Variants in CEP85 observed in about 807,000 individuals in gnomAD.
CEP85 encodes centrosomal protein 85, also known as centrosomal protein of 85 kDa.
A neutral mutation model predicts 93.7 loss-of-function variants in CEP85; 58 were observed. The observed-to-expected ratio is 0.62, with a 90% CI of 0.50 to 0.77. The LOEUF (loss-of-function observed/expected upper bound fraction) is 0.77. Ranked by LOEUF, CEP85 falls within the 30% of genes least tolerant of loss-of-function variation. The pLI is 0.00. For synonymous variants in CEP85, 314 were observed against 338.6 expected (o/e 0.93, Z 0.80); for missense variants, 868 against 922.0 (o/e 0.94, Z 0.76).
chr1:26,242,670 C>T (rs1280240129), intron 2 of CEP85, among the ~76,000 whole-genome samples: 4 of 152,052 alleles, frequency 2.6e-5, no homozygotes, highest in East Asian at 1.9e-4. Flanking sequence ...TTACTTTGGG[C>T]GTAATCATTT....
chr1:26,258,259 A>G lies in CEP85; in HGVS notation c.1154A>G (p.Gln385Arg), dbSNP rs1357588836. The change falls in exon 6 of 14, where the codon CAG (glutamine) becomes CGG (arginine). Residue 385 changes from glutamine to arginine, a missense_variant and splice_region_variant. Coordinates refer to ENST00000451429, the MANE Select transcript of CEP85 (RefSeq NM_001319944.2). ...GGTGATGTCTGCTTGCTGAGGCTAC[A>G]GGTAAGTATTGGCCATCAGGATGGC... ...PFGDVCLLRL[Q>R]ELQRENTFLR... 7 of 1,604,106 alleles carry G rather than the reference A, an allele frequency of 4.4e-6. No homozygotes were observed. Among genetic ancestry groups the G allele is most frequent in the Non-Finnish European group, 6.0e-6 (7 of 1,170,942 alleles).
chr1:26,247,754 A>G (rs1036321852), intron 3 of CEP85, among the ~76,000 whole-genome samples: 3 of 152,086 alleles, frequency 2.0e-5, no homozygotes, highest in Non-Finnish European at 4.4e-5. Context: ...CTATCTTTCC[A>G]CCTAAGCCTT....
chr1:26,258,566 A>G (rs77159267), intron 6 of CEP85, among the ~76,000 whole-genome samples: 2,615 of 151,850 alleles, frequency 0.017, 81 homozygotes, highest in African/African-American at 0.059. Context: ...TAGCCAAAGG[A>G]GAGAGAGGCA....
chr1:26,239,644 G>A, intron 1 of CEP85, 118 bp from the exon 2 acceptor site: 1 of 658,362 alleles, frequency 1.5e-6, no homozygotes, highest in Non-Finnish European at 2.7e-6. Flanking sequence ...GAGCCACTGT[G>A]CCTGGCCAAA....
chr1:26,271,879 A>C, intron 10 of CEP85, 142 bp from the exon 11 acceptor site: 1 of 692,022 alleles, frequency 1.4e-6, no homozygotes, highest in Non-Finnish European at 2.6e-6. Context: ...ATATTCCTAT[A>C]GGTAGAGTTC....
intron 1 of CEP85, among the ~76,000 whole-genome samples, chr1:26,234,832 C>G (rs1190811299): frequency 6.6e-6 from 1 of 152,126 alleles, no homozygotes; most frequent in Non-Finnish European, 1.5e-5. Context: ...GGGGCCTTAC[C>G]CCGGTACTTC....
intron 1 of CEP85, among the ~76,000 whole-genome samples, chr1:26,238,009 A>G (rs896494269): frequency 6.6e-6 from 1 of 151,830 alleles, no homozygotes; most frequent in South Asian, 2.1e-4. Context: ...ATTGTGGAGG[A>G]TGATACCCTT....
At chr1:26,256,077 G>T (rs1047005931) in intron 4 of CEP85, among the ~76,000 whole-genome samples, 1 of 152,132 alleles carries the variant, frequency 6.6e-6, no homozygotes, top group African/African-American at 2.4e-5. Context: ...ATAGCAAAAG[G>T]TTACAAAGGA....
chr1:26,271,341 T>C, intron 10 of CEP85: 2 of 436,148 alleles, frequency 4.6e-6, no homozygotes, highest in Non-Finnish European at 8.4e-6. Flanking sequence ...GGAGGGGTGA[T>C]ATGCCTCTGA....
At position 26,249,924 on chromosome 1, in the gene CEP85, G is replaced by A. The variant is rs142368067; in HGVS notation, c.209-5247G>A. 1.5e-3 allele frequency among the ~76,000 whole-genome samples: 223 copies of A among 152,174 alleles called. 2 individuals are homozygous for A. Among genetic ancestry groups the A allele is most frequent in the Non-Finnish European group, 2.5e-3 (173 of 68,014 alleles). On this transcript the variant is annotated intron_variant, in intron 3 of 13. Coordinates refer to ENST00000451429, the MANE Select transcript of CEP85 (RefSeq NM_001319944.2). ...TGTGTTGCCTACACTGGAGTGCAAT[G>A]ACTGTTCACACAGGTACCATCATAG...
rs200955763 is a variant in CEP85 at position 26,244,171 on chromosome 1, G to C, written c.61G>C (p.Asp21His). ...GGAAATGCCTCTTGTTTCAGGTTCC[G>C]ATGTGATTCAGAAGGGCAGTTCCCT... The part of the protein sequence containing the change: ...GISHVTSPSS[D>H]VIQKGSSLGT... Residue 21 changes from aspartate to histidine, a missense_variant, in exon 3 of 14, where the codon GAT (aspartate) becomes CAT (histidine). By Grantham distance (81) the Asp-to-His change is moderately conservative. Coordinates refer to ENST00000451429, the MANE Select transcript of CEP85 (RefSeq NM_001319944.2). The C allele has an allele frequency of 6.2e-7, 1 of 1,613,180 alleles. No homozygotes were observed. The highest frequency in any genetic ancestry group is 1.1e-5 in the South Asian group (1 of 90,944).
chr1:26,245,076 C>G (rs2089488390), intron 3 of CEP85, among the ~76,000 whole-genome samples: 2 of 152,024 alleles, frequency 1.3e-5, no homozygotes, highest in African/African-American at 4.8e-5. Context: ...GAGATGGTCT[C>G]ACTCTGTCAC....
chr1:26,272,690 G>A (rs533250666), intron 11 of CEP85, among the ~76,000 whole-genome samples: 11 of 141,538 alleles, frequency 7.8e-5, no homozygotes, highest in Non-Finnish European at 1.1e-4. Flanking sequence ...GTGCAATGGC[G>A]CAATCTCGGC....
chr1:26,261,920 C>T (rs570978264), intron 7 of CEP85, among the ~76,000 whole-genome samples: 19 of 152,194 alleles, frequency 1.2e-4, no homozygotes, highest in African/African-American at 3.9e-4. Flanking sequence ...CCTGTAATCC[C>T]AGCATATGGG....
At chr1:26,268,130 GAAC>G (rs2089918868) in intron 7 of CEP85, among the ~76,000 whole-genome samples, 2 of 152,196 alleles carry the variant, frequency 1.3e-5, no homozygotes, top group Admixed American at 6.5e-5. Flanking sequence ...CATTGCAGTA[GAAC>G]AACATTCACA....
At position 26,261,969 on chromosome 1, in the gene CEP85, G is replaced by A. The variant is rs2089817098; in HGVS notation, c.1341+2167G>A. On this transcript the variant is annotated intron_variant, in intron 7 of 13. Coordinates refer to ENST00000451429, the MANE Select transcript of CEP85 (RefSeq NM_001319944.2). ...GCGAATCACTTGAGGTCAGGAGTTC[G>A]AGACCAGTCTGGCCAACATGGTGAA... 2.6e-5 allele frequency among the ~76,000 whole-genome samples: 4 copies of A among 151,974 alleles called. No individual in the cohort carries two copies. In the South Asian group the frequency reaches 8.3e-4, roughly 31 times the overall value.
At position 26,277,408 on chromosome 1, in the gene CEP85, G is replaced by A. The variant is rs180758481; in HGVS notation, c.*115G>A. The stretch of plus-strand genomic sequence containing the variant: ...TCCCAGAGAGGTCTCAGAGGGGAGG[G>A]GAGAGCCTGCATCTGGGGGCCAAGG... On this transcript the variant is annotated 3_prime_UTR_variant, in exon 14 of 14. Transcript: ENST00000451429. 8 of 1,033,452 alleles carry A rather than the reference G, an allele frequency of 7.7e-6. No individual in the cohort carries two copies. Among genetic ancestry groups the A allele is most frequent in the Admixed American group, 2.6e-5 (1 of 38,890 alleles). The allele number at this position is 1,033,452 out of a possible 1,614,324, so 64.0% of individuals were successfully genotyped here.
chr1:26,239,003 T>C (rs549271866), intron 1 of CEP85, among the ~76,000 whole-genome samples: 28 of 152,360 alleles, frequency 1.8e-4, no homozygotes, highest in African/African-American at 6.5e-4. Context: ...GGAATTTGTT[T>C]TGTGTTAATC....
intron 7 of CEP85, among the ~76,000 whole-genome samples, chr1:26,265,227 GCC>G (rs1338954477): frequency 6.6e-6 from 1 of 151,890 alleles, no homozygotes; most frequent in East Asian, 1.9e-4. Context: ...CATGTGATCT[GCC>G]CGCCTCGACT....
Sources: allele counts gnomAD v4.1 joint callset (sites outside exome capture counted in the v4.1 genomes callset), GRCh38; gene constraint gnomAD v4.1.1; transcripts MANE v1.5; gene names NCBI Gene and HGNC (gene_info 2026-07-23, HGNC 2026-07-21).